SUPT3H: variants seen among roughly 807,000 people sequenced by gnomAD.
SUPT3H encodes transcription initiation protein SPT3 homolog.
A neutral mutation model predicts 44.3 loss-of-function variants in SUPT3H; 44 were observed. That is an observed-to-expected ratio of 0.99 (90% CI 0.78 to 1.28). The LOEUF is 1.28. SUPT3H is among the 50% of genes most tolerant of loss of function. The pLI is 0.00. For synonymous variants in SUPT3H, 124 were observed against 125.6 expected, an observed-to-expected ratio of 0.99 and a Z score of 0.09; for missense variants, 380 against 387.1, an observed-to-expected ratio of 0.98 and a Z score of 0.15.
chr6:45,067,680 G>T (rs1793611662), intron 3 of SUPT3H, among the ~76,000 whole-genome samples: 1 of 149,686 alleles, frequency 6.7e-6, no homozygotes, highest in South Asian at 2.1e-4. Flanking sequence ...CTCAAAAGAA[G>T]ACATTTATGC....
intron 2 of SUPT3H, among the ~76,000 whole-genome samples, chr6:45,212,416 C>A (rs1454342167): frequency 6.6e-6 from 1 of 151,162 alleles, no homozygotes; most frequent in African/African-American, 2.4e-5. Flanking sequence ...AAGGAGTTTC[C>A]TTTTCTTCCT....
At chr6:45,328,203 A>T in intron 2 of SUPT3H, 1 of 1,110,234 alleles carries the variant, frequency 9.0e-7, no homozygotes, top group Non-Finnish European at 1.2e-6. Context: ...CCACAGTGGT[A>T]GGCAGTCCCA....
Position 45,253,848 on chromosome 6 carries a change from CATATAT to C in SUPT3H, c.101+111347_101+111352del, listed in dbSNP as rs34256293. 4.4e-3 allele frequency among the ~76,000 whole-genome samples: 387 copies of C among 88,744 alleles called. 8 individuals carry two copies. Among genetic ancestry groups the C allele is most frequent in the East Asian group, 0.022 (46 of 2,126 alleles). 58.2% of individuals were successfully genotyped at this position (88,744 alleles called of 152,430 possible). ...AAAAATACACACGTACACATATACG[CATATAT>C]ATATATATATATATATATACACACA... On this transcript the variant is annotated intron_variant, in intron 2 of 10. Transcript: ENST00000371459.
intron 10 of SUPT3H, among the ~76,000 whole-genome samples, chr6:44,850,336 A>C (rs992901498): frequency 3.9e-5 from 6 of 152,012 alleles, no homozygotes; most frequent in Non-Finnish European, 8.8e-5. Flanking sequence ...GCTTCCTTTC[A>C]GTTTCTTTAG....
intron 3 of SUPT3H, among the ~76,000 whole-genome samples, chr6:45,100,541 T>TAAAAAAAAAAAAAAAAAAAAAAAAAA (rs58120512): frequency 3.0e-5 from 1 of 33,454 alleles, no homozygotes; most frequent in Non-Finnish European, 4.6e-5. Flanking sequence ...ACCCTGTACT[T>TAAAAAAAAAAAAAAAAAAAAAAAAAA]AAAAAAAAAA....
At chr6:45,113,827 C>CAAAAAAAAAAAAAAAA (rs374606230) in intron 2 of SUPT3H, among the ~76,000 whole-genome samples, 116 of 112,720 alleles carry the variant, frequency 1.0e-3, no homozygotes, top group African/African-American at 3.9e-3. Context: ...AAGACTCCAT[C>CAAAAAAAAAAAAAAAA]AAAAAAAAAA....
intron 2 of SUPT3H, among the ~76,000 whole-genome samples, chr6:45,165,773 A>T (rs922905011): frequency 2.0e-5 from 3 of 152,154 alleles, no homozygotes; most frequent in African/African-American, 7.2e-5. Flanking sequence ...ACATAAAGAC[A>T]AGTGAACAAA....
At chr6:45,274,420 T>C (rs1157580817) in intron 2 of SUPT3H, among the ~76,000 whole-genome samples, 2 of 152,238 alleles carry the variant, frequency 1.3e-5, no homozygotes, top group Non-Finnish European at 2.9e-5. Flanking sequence ...TTTACTCCTA[T>C]ATTTCTAAAC....
At chr6:44,910,537 C>G (rs975944269) in intron 10 of SUPT3H, among the ~76,000 whole-genome samples, 3 of 152,152 alleles carry the variant, frequency 2.0e-5, no homozygotes, top group African/African-American at 7.2e-5. Context: ...AAGACAGTCA[C>G]TGAAATACTT....
chr6:45,314,493 C>T (rs1340595141), intron 2 of SUPT3H, among the ~76,000 whole-genome samples: 1 of 152,092 alleles, frequency 6.6e-6, no homozygotes, highest in Non-Finnish European at 1.5e-5. Context: ...CTTCTATATA[C>T]CAACAGCAAT....
intron 6 of SUPT3H, among the ~76,000 whole-genome samples, chr6:44,996,665 C>T (rs1001719838): frequency 2.6e-5 from 4 of 151,794 alleles, no homozygotes; most frequent in Non-Finnish European, 4.4e-5. Flanking sequence ...TGAAAACAGA[C>T]CACTCCCTAC....
chr6:44,902,024 C>T (rs1381844542), intron 10 of SUPT3H, among the ~76,000 whole-genome samples: 2 of 152,042 alleles, frequency 1.3e-5, no homozygotes, highest in East Asian at 1.9e-4. Context: ...CTGAAGGAAG[C>T]ACTAAACATG....
intron 2 of SUPT3H, among the ~76,000 whole-genome samples, chr6:45,203,811 T>G (rs1762779505): frequency 6.6e-6 from 1 of 152,174 alleles, no homozygotes; most frequent in Non-Finnish European, 1.5e-5. Context: ...AGATCAATTG[T>G]AACTTTTCCA....
At chr6:45,289,985 C>T (rs541876259) in intron 2 of SUPT3H, among the ~76,000 whole-genome samples, 1 of 152,182 alleles carries the variant, frequency 6.6e-6, no homozygotes, top group South Asian at 2.1e-4. Flanking sequence ...GAGTTCAGGA[C>T]CAGCATGGGC....
Position 45,230,660 on chromosome 6 carries a change from G to GCATATATATATATATATATATATATA in SUPT3H, c.102-124655_102-124654insTATATATATATATATATATATATATG, listed in dbSNP as rs765270979. On this transcript the variant is annotated intron_variant, in intron 2 of 10. Transcript: ENST00000371459. Reference sequence around the variant, plus strand: ...TGAAATCATGTTTTAAATTCATTCAGTCTATATATATATATATATATATAT... The same window carrying GCATATATATATATATATATATATATA: ...TGAAATCATGTTTTAAATTCATTCAGCATATATATATATATATATATATATATCTATATATATATATATATATATAT... Among the ~76,000 whole-genome samples the GCATATATATATATATATATATATATA allele has an allele frequency of 4.7e-3, 240 of 51,044 alleles. 44 individuals carry two copies. The highest frequency in any genetic ancestry group is 9.3e-3 in the Middle Eastern group (1 of 108). 33.5% of individuals were successfully genotyped at this position (51,044 alleles called of 152,430 possible). A position where few individuals can be genotyped will look rare whatever the true frequency, so the allele number is the denominator to read the frequency against.
intron 10 of SUPT3H, among the ~76,000 whole-genome samples, chr6:44,898,237 T>G (rs777029354): frequency 2.0e-5 from 3 of 152,178 alleles, no homozygotes; most frequent in Non-Finnish European, 2.9e-5. Flanking sequence ...CTCCGGGTAT[T>G]CATGCCCTTA....
In SUPT3H at chr6:45,142,736, C is replaced by CAAAAAAA. The variant is rs70993502; in HGVS notation, c.102-36737_102-36731dup. ...GGGCAAGAAGAGCTAAACTCCGTCT[C>CAAAAAAA]AAAAAAAAAAAAAAAAAAAAAAAAA... On this transcript the variant is annotated intron_variant, in intron 2 of 10. Coordinates refer to ENST00000371459, the MANE Select transcript of SUPT3H (RefSeq NM_003599.4). Among the ~76,000 whole-genome samples the CAAAAAAA allele has an allele frequency of 6.5e-3, 97 of 14,964 alleles. 20 individuals are homozygous for CAAAAAAA. Among genetic ancestry groups the CAAAAAAA allele is most frequent in the Non-Finnish European group, 7.3e-3 (65 of 8,866 alleles). The allele number at this position is 14,964 out of a possible 152,430, so 9.8% of individuals were successfully genotyped here.
At chr6:44,861,968 C>T (rs1397779980) in intron 10 of SUPT3H, among the ~76,000 whole-genome samples, 2 of 152,068 alleles carry the variant, frequency 1.3e-5, no homozygotes, top group South Asian at 2.1e-4. Flanking sequence ...GTTGACAGTA[C>T]CTATAATACA....
At chr6:45,244,563 A>C (rs759231179) in intron 2 of SUPT3H, among the ~76,000 whole-genome samples, 4 of 152,152 alleles carry the variant, frequency 2.6e-5, no homozygotes, top group Non-Finnish European at 5.9e-5. Context: ...TGCTGTCCAC[A>C]CAATACTAAA....
Sources: gnomAD v4.1 joint callset for allele counts (sites outside exome capture counted in the v4.1 genomes callset) on GRCh38, gnomAD v4.1.1 for gene constraint, MANE v1.5 for transcripts, NCBI Gene and HGNC (gene_info 2026-07-23, HGNC 2026-07-21) for gene names.